The following HDAC4 variants were observed in gnomAD, a reference collection of about 807,000 sequenced individuals.
The protein encoded by HDAC4 is histone deacetylase 4.
In HDAC4, 16 loss-of-function variants were observed where a neutral mutation model predicts 135.1. The observed-to-expected ratio is 0.12, with a 90% CI of 0.08 to 0.18. HDAC4 has a LOEUF of 0.18. Among genes scored for constraint, HDAC4 ranks in the 10% least tolerant of loss-of-function variants. The pLI is 1.00. For missense variants in HDAC4, 1,143 were observed against 1,511.8 expected, an observed-to-expected ratio of 0.76 and a Z score of 4.05; for synonymous variants, 685 against 653.4, an observed-to-expected ratio of 1.05 and a Z score of -0.74.
At chr2:239,142,166 A>C (rs2041421676) in intron 8 of HDAC4, among the ~76,000 whole-genome samples, 1 of 152,032 alleles carries the variant, frequency 6.6e-6, no homozygotes, top group Non-Finnish European at 1.5e-5. Flanking sequence ...ATGGGAATGC[A>C]TTTTCTTCTT....
intron 11 of HDAC4, among the ~76,000 whole-genome samples, chr2:239,129,567 G>A (rs1243738762): frequency 2.0e-5 from 3 of 152,184 alleles, no homozygotes; most frequent in Non-Finnish European, 4.4e-5. Flanking sequence ...AGCACTGGCA[G>A]AAGCCCTTCC....
intron 1 of HDAC4, among the ~76,000 whole-genome samples, chr2:239,363,582 T>C (rs1174673300): frequency 6.6e-6 from 1 of 152,210 alleles, no homozygotes; most frequent in African/African-American, 2.4e-5. Flanking sequence ...TGATGGAAAT[T>C]AGTATGAGCT....
At chr2:239,176,767 G>A (rs925413083) in intron 4 of HDAC4, among the ~76,000 whole-genome samples, 5 of 152,158 alleles carry the variant, frequency 3.3e-5, no homozygotes, top group Admixed American at 1.3e-4. Context: ...TCTTACCTTC[G>A]AAGTGGAAAA....
intron 3 of HDAC4, among the ~76,000 whole-genome samples, chr2:239,230,198 C>A (rs2047462561): frequency 6.6e-6 from 1 of 151,974 alleles, no homozygotes; most frequent in Non-Finnish European, 1.5e-5. Context: ...CCCATCAGGG[C>A]CTGAACTCAT....
intron 3 of HDAC4, among the ~76,000 whole-genome samples, chr2:239,204,104 C>A (rs2045910402): frequency 6.6e-6 from 1 of 152,174 alleles, no homozygotes; most frequent in South Asian, 2.1e-4. Context: ...TTCTGGTAAA[C>A]CTCATATTCC....
chr2:239,337,713 GGA>G (rs897557162), intron 2 of HDAC4, among the ~76,000 whole-genome samples: 4 of 152,110 alleles, frequency 2.6e-5, no homozygotes, highest in Non-Finnish European at 4.4e-5. Flanking sequence ...CGGCGACGGG[GGA>G]GACAGGATGC....
At chr2:239,085,441 A>G (rs1161698301) in intron 19 of HDAC4, among the ~76,000 whole-genome samples, 1 of 152,230 alleles carries the variant, frequency 6.6e-6, no homozygotes, top group African/African-American at 2.4e-5. Flanking sequence ...ACGCCCCAGG[A>G]CATCCTAGAC....
chr2:239,067,318 C>T (rs2033636872), intron 23 of HDAC4, among the ~76,000 whole-genome samples: 2 of 152,144 alleles, frequency 1.3e-5, no homozygotes, highest in Admixed American at 6.5e-5. Context: ...TCAAGAGCCA[C>T]AGTCCCGCCA....
At chr2:239,370,527 T>C (rs1173864991) in intron 1 of HDAC4, among the ~76,000 whole-genome samples, 5 of 152,210 alleles carry the variant, frequency 3.3e-5, no homozygotes, top group African/African-American at 1.2e-4. Flanking sequence ...AATCCAGGCC[T>C]CCCTGCTCCC....
intron 24 of HDAC4, among the ~76,000 whole-genome samples, chr2:239,059,319 G>A (rs1192248422): frequency 6.6e-6 from 1 of 152,148 alleles, no homozygotes; most frequent in Non-Finnish European, 1.5e-5. Flanking sequence ...AGATAGATGG[G>A]AAAGCAGACA....
chr2:239,257,018 T>C (rs927641092), intron 2 of HDAC4, among the ~76,000 whole-genome samples: 1 of 152,224 alleles, frequency 6.6e-6, no homozygotes, highest in African/African-American at 2.4e-5. Context: ...AAACTTGCTG[T>C]TAAAACTCTA....
In HDAC4 at chr2:239,048,946, C is replaced by T. The variant is rs752811269; in HGVS notation, c.*4151G>A. The T allele has an allele frequency of 2.0e-5, 3 of 152,202 alleles. No individual in the cohort carries two copies. Among genetic ancestry groups the T allele is most frequent in the South Asian group, 4.1e-4 (2 of 4,834 alleles). The allele number at this position is 152,202 out of a possible 1,614,324, so 9.4% of individuals were successfully genotyped here. ...CGCCCAGTTCTCAATCAGAATAAAC[C>T]GTCACAAGGCCAGTGAGGGCGGGCG... On this transcript the variant is annotated 3_prime_UTR_variant, in exon 27 of 27. Transcript: ENST00000543185.
intron 2 of HDAC4, among the ~76,000 whole-genome samples, chr2:239,334,953 A>G (rs1315791547): frequency 7.2e-6 from 1 of 139,162 alleles, no homozygotes; most frequent in Non-Finnish European, 1.5e-5. Context: ...TGAACCTGGG[A>G]GGCGGAGCTT....
chr2:239,370,137 C>A (rs768777365), intron 1 of HDAC4, among the ~76,000 whole-genome samples: 4 of 152,204 alleles, frequency 2.6e-5, no homozygotes, highest in South Asian at 4.1e-4. Flanking sequence ...AGGGTAGCAT[C>A]CCGACTTTTC....
At position 239,306,503 on chromosome 2, in the gene HDAC4, G is replaced by A. The variant is rs2052591115; in HGVS notation, c.22+46175C>T. Among the ~76,000 whole-genome samples, 1 of 152,134 alleles carries A rather than the reference G, an allele frequency of 6.6e-6. No homozygotes were observed. Among genetic ancestry groups the A allele is most frequent in the Non-Finnish European group, 1.5e-5 (1 of 68,034 alleles). ...TCCTGTGTCCCATACTCGGCCCGTA[G>A]AGCCATCAAATCATCTGGGCCCCGA... On this transcript the variant is annotated intron_variant, in intron 2 of 26. Coordinates refer to ENST00000543185, the MANE Select transcript of HDAC4 (RefSeq NM_001378414.1). The surrounding 1 kb of genome is among the most constrained non-coding windows in gnomAD (Gnocchi z 4.5).
At chr2:239,072,469 GCCCAGCCTGTC>G (rs899845638) in intron 22 of HDAC4, among the ~76,000 whole-genome samples, 1 of 152,200 alleles carries the variant, frequency 6.6e-6, no homozygotes. Context: ...GAGCTGCTCA[GCCCAGCCTGTC>G]CTGCACCGAA....
In HDAC4 at chr2:239,125,686, C is replaced by A. The variant is rs143669274; in HGVS notation, c.1533+770G>T. On this transcript the variant is annotated intron_variant, in intron 12 of 26. Coordinates refer to ENST00000543185, the MANE Select transcript of HDAC4 (RefSeq NM_001378414.1). Reference sequence around the variant, plus strand: ...CATCTCATCTCTTACCTTAAAGATGCTCTATGTCAAATGCCAGCATTTGAT... The same window carrying A: ...CATCTCATCTCTTACCTTAAAGATGATCTATGTCAAATGCCAGCATTTGAT... Among the ~76,000 whole-genome samples, 4 of 152,316 alleles carry A rather than the reference C, an allele frequency of 2.6e-5. No individual in the cohort carries two copies. The East Asian group carries it at 7.7e-4, about 29-fold the overall frequency.
chr2:239,297,406 G>T (rs1463928365), intron 2 of HDAC4, among the ~76,000 whole-genome samples: 1 of 152,208 alleles, frequency 6.6e-6, no homozygotes, highest in Admixed American at 6.5e-5. Flanking sequence ...CTAGAAGATG[G>T]GACCCAGAGC....
chr2:239,121,839 TTC>T (rs149473881), intron 12 of HDAC4, among the ~76,000 whole-genome samples: 1 of 151,724 alleles, frequency 6.6e-6, no homozygotes. Context: ...CAAAGCCTGC[TTC>T]TCTCTCTCTC....
Sources: gnomAD v4.1 joint callset for allele counts (sites outside exome capture counted in the v4.1 genomes callset) on GRCh38, gnomAD v4.1.1 for gene constraint, Gnocchi (gnomAD v3.1) non-coding constraint, MANE v1.5 for transcripts, NCBI Gene and HGNC (gene_info 2026-07-23, HGNC 2026-07-21) for gene names.